PCDHA1: variants seen among roughly 807,000 people sequenced by gnomAD.
PCDHA1 encodes protocadherin alpha 1, also known as protocadherin alpha-1.
In PCDHA1, 42 loss-of-function variants were observed where a neutral mutation model predicts 61.3. The observed-to-expected ratio is 0.69, with a 90% confidence interval of 0.54 to 0.89. The LOEUF (loss-of-function observed/expected upper bound fraction) is 0.89. PCDHA1 is among the 40% of genes least tolerant of loss of function. The pLI is 0.00. For missense variants in PCDHA1, 1,256 were observed against 1,235.3 expected (o/e 1.02, Z -0.25); for synonymous variants, 610 against 553.8 (o/e 1.10, Z -1.43).
At chr5:140,803,842 A>T in intron 1 of PCDHA1, 1 of 602,420 alleles carries the variant, frequency 1.7e-6, no homozygotes, top group African/African-American at 1.9e-5. Flanking sequence ...GAATTATTTT[A>T]TTGCTAAATG....
At chr5:140,926,632 C>T in intron 1 of PCDHA1, 1 of 432,326 alleles carries the variant, frequency 2.3e-6, no homozygotes, top group Admixed American at 4.2e-5. Flanking sequence ...GCGCTGCGCT[C>T]CTCAACACCC....
intron 1 of PCDHA1, among the ~76,000 whole-genome samples, chr5:140,935,413 T>C (rs1011900671): frequency 1.3e-5 from 2 of 152,246 alleles, no homozygotes; most frequent in Non-Finnish European, 2.9e-5. Flanking sequence ...ACAATGGACT[T>C]AGAAAACAAT....
chr5:140,809,008 T>C (rs1581698926), intron 1 of PCDHA1: 2 of 1,613,616 alleles, frequency 1.2e-6, no homozygotes, highest in African/African-American at 2.7e-5. Context: ...ACGCGTGGCT[T>C]TCGTACGAGC....
chr5:140,928,522 T>G lies in PCDHA1; in HGVS notation c.2395-50427T>G, dbSNP rs373009645. The G allele has an allele frequency of 4.3e-6, 7 of 1,614,150 alleles. No homozygotes were observed. Among genetic ancestry groups the G allele is most frequent in the African/African-American group, 1.3e-5 (1 of 75,032 alleles). On this transcript the variant is annotated intron_variant, in intron 1 of 3. Coordinates refer to ENST00000504120, the MANE Select transcript of PCDHA1 (RefSeq NM_018900.4). ...AAGTGCAACAGTGACTATAAACTTG[T>G]TTGTGGTAGATAGGAATGACAATTA...
At chr5:140,832,832 C>G (rs2150204585) in intron 1 of PCDHA1, among the ~76,000 whole-genome samples, 3 of 152,178 alleles carry the variant, frequency 2.0e-5, no homozygotes, top group Admixed American at 1.3e-4. Flanking sequence ...GCCTTTTTCC[C>G]TTGTTGAAGG....
intron 1 of PCDHA1, chr5:140,927,485 C>T: frequency 6.2e-7 from 1 of 1,614,098 alleles, no homozygotes; most frequent in Non-Finnish European, 8.5e-7. Context: ...CAGCGCGCCA[C>T]CCACCTGCTG....
intron 1 of PCDHA1, chr5:140,881,522 A>G: frequency 5.1e-6 from 1 of 196,850 alleles, no homozygotes; most frequent in South Asian, 1.8e-4. Context: ...AAAATCCCAC[A>G]CATATTGACT....
chr5:140,830,020 G>A (rs782361791), intron 1 of PCDHA1: 3 of 1,613,754 alleles, frequency 1.9e-6, no homozygotes, highest in Admixed American at 1.7e-5. Flanking sequence ...CGGACTCTCC[G>A]CGCCACCGGC....
chr5:140,954,978 A>C (rs1268797182), intron 1 of PCDHA1, among the ~76,000 whole-genome samples: 2 of 152,176 alleles, frequency 1.3e-5, no homozygotes, highest in African/African-American at 4.8e-5. Context: ...GTCCAGTTTC[A>C]ATTTTCTGCA....
chr5:140,838,077 AGT>A (rs2150283763), intron 1 of PCDHA1, among the ~76,000 whole-genome samples: 14,554 of 79,570 alleles, frequency 0.18, 836 homozygotes, highest in Admixed American at 0.23. Context: ...ATATATATAT[AGT>A]GTGTGTGTGT....
chr5:140,905,593 G>C (rs781937038), intron 1 of PCDHA1, among the ~76,000 whole-genome samples: 1 of 152,072 alleles, frequency 6.6e-6, no homozygotes, highest in Non-Finnish European at 1.5e-5. Context: ...TATTTTGCTG[G>C]GAATTGCATT....
intron 3 of PCDHA1, among the ~76,000 whole-genome samples, chr5:140,983,788 C>T (rs1319880543): frequency 6.6e-6 from 1 of 152,144 alleles, no homozygotes; most frequent in Non-Finnish European, 1.5e-5. Context: ...TAACAGATGA[C>T]AGAATGTGTG....
intron 1 of PCDHA1, among the ~76,000 whole-genome samples, chr5:140,790,928 G>T (rs1360511513): frequency 6.6e-6 from 1 of 152,214 alleles, no homozygotes; most frequent in Non-Finnish European, 1.5e-5. Context: ...AAAAATGATT[G>T]TGGAGTGGTA....
chr5:140,828,025 G>T, intron 1 of PCDHA1: 1 of 1,517,256 alleles, frequency 6.6e-7, no homozygotes, highest in Non-Finnish European at 8.8e-7. Context: ...AATAAATTCC[G>T]GAACATACAG....
At chr5:140,963,594 C>G (rs549697848) in intron 1 of PCDHA1, among the ~76,000 whole-genome samples, 1 of 152,258 alleles carries the variant, frequency 6.6e-6, no homozygotes, top group South Asian at 2.1e-4. Flanking sequence ...GGATATAGTT[C>G]TAGACGTAAT....
intron 1 of PCDHA1, chr5:140,928,452 G>C: frequency 6.2e-7 from 1 of 1,614,126 alleles, no homozygotes; most frequent in Non-Finnish European, 8.5e-7. Context: ...AGCTCAGGGG[G>C]TTTCATTTCC....
At chr5:140,951,832 C>A (rs2094641157) in intron 1 of PCDHA1, among the ~76,000 whole-genome samples, 1 of 152,142 alleles carries the variant, frequency 6.6e-6, no homozygotes, top group East Asian at 1.9e-4. Context: ...CTCATTCCAG[C>A]ATTAAGCCAA....
At position 140,797,148 on chromosome 5, in the gene PCDHA1, C is replaced by T. The variant is rs149807221; in HGVS notation, c.2394+8464C>T. The T allele has an allele frequency of 2.0e-4, 324 of 1,613,966 alleles. 2 individuals carry two copies. In the African/African-American group the frequency reaches 3.5e-3, roughly 17 times the overall value. Reference sequence around the variant, plus strand: ...CGCTGCGGTGCTCGGTGCCACCCACCGAGGGTGCGCGCGCGCCAGGAAAGC... The same window carrying T: ...CGCTGCGGTGCTCGGTGCCACCCACTGAGGGTGCGCGCGCGCCAGGAAAGC... On this transcript the variant is annotated intron_variant, in intron 1 of 3. Transcript: ENST00000504120.
intron 3 of PCDHA1, among the ~76,000 whole-genome samples, chr5:140,983,718 T>C (rs2097062684): frequency 6.6e-6 from 1 of 152,248 alleles, no homozygotes; most frequent in South Asian, 2.1e-4. Context: ...CTAGCACTTA[T>C]ATTCATAACA....
Sources: allele counts gnomAD v4.1 joint callset (sites outside exome capture counted in the v4.1 genomes callset), GRCh38; gene constraint gnomAD v4.1.1; transcripts MANE v1.5; gene names NCBI Gene and HGNC (gene_info 2026-07-23, HGNC 2026-07-21).